PGM5: variants seen among roughly 807,000 people sequenced by gnomAD.
The protein encoded by PGM5 is phosphoglucomutase 5, also known as phosphoglucomutase-like protein 5.
Under a neutral mutation model 59.2 loss-of-function variants are expected in PGM5, and 23 were observed. That is an observed-to-expected ratio of 0.39 (90% CI 0.28 to 0.55). The LOEUF is 0.55. Among genes scored for constraint, PGM5 ranks in the 20% least tolerant of loss-of-function variants. The pLI is 0.66. For missense variants in PGM5, 574 were observed against 748.3 expected (o/e 0.77, Z 2.72); for synonymous variants, 214 against 286.0 (o/e 0.75, Z 2.54).
intron 7 of PGM5, among the ~76,000 whole-genome samples, chr9:68,474,693 C>T (rs1214211092): frequency 6.6e-6 from 1 of 151,368 alleles, no homozygotes; most frequent in Non-Finnish European, 1.5e-5. Flanking sequence ...AGTAAGATTG[C>T]GTGGGCTTTG....
rs782687667 is a variant in PGM5 at position 68,475,184 on chromosome 9, A to ATTTTTTTTTTTTT, written c.1160-4224_1160-4212dup. ...ATGTGTCTGCCATCATGCCTGGCTA[A>ATTTTTTTTTTTTT]TTTTTTTTTTTTTTTTTTTTTTGTA... On this transcript the variant is annotated intron_variant, in intron 7 of 10. Coordinates refer to ENST00000396396, the MANE Select transcript of PGM5 (RefSeq NM_021965.4). Among the ~76,000 whole-genome samples, 154 of 112,758 alleles carry ATTTTTTTTTTTTT rather than the reference A, an allele frequency of 1.4e-3. No homozygotes were observed. In the East Asian group the frequency reaches 0.019, roughly 14 times the overall value. 74.0% of individuals were successfully genotyped at this position (112,758 alleles called of 152,430 possible). A position where few individuals can be genotyped will look rare whatever the true frequency, so the allele number is the denominator to read the frequency against.
intron 1 of PGM5, among the ~76,000 whole-genome samples, chr9:68,364,358 G>C (rs1554676515): frequency 6.6e-6 from 1 of 152,308 alleles, no homozygotes; most frequent in East Asian, 1.9e-4. Flanking sequence ...AAATTCTTGG[G>C]GTGGAAGAAA....
chr9:68,463,014 A>G (rs540226914), intron 6 of PGM5, among the ~76,000 whole-genome samples: 1 of 152,258 alleles, frequency 6.6e-6, no homozygotes, highest in East Asian at 1.9e-4. Flanking sequence ...AAACCATTGA[A>G]AAAGAGAGAA....
At chr9:68,453,951 A>T (rs1823734723) in intron 6 of PGM5, among the ~76,000 whole-genome samples, 1 of 152,186 alleles carries the variant, frequency 6.6e-6, no homozygotes, top group Non-Finnish European at 1.5e-5. Context: ...TAAGTCCAGG[A>T]GGGGGTGGAT....
At chr9:68,403,215 G>A (rs1554680815) in intron 6 of PGM5, among the ~76,000 whole-genome samples, 1 of 152,160 alleles carries the variant, frequency 6.6e-6, no homozygotes. Flanking sequence ...TGCATGTGAG[G>A]AGTCTAGGTT....
intron 10 of PGM5, 35 bp from the exon 11 acceptor site, chr9:68,529,532 T>G: frequency 8.9e-6 from 13 of 1,455,398 alleles, no homozygotes; most frequent in African/African-American, 2.8e-5. Context: ...GTAACTGACT[T>G]GAGTTGTTCA....
chr9:68,481,589 A>G (rs1824197358), intron 8 of PGM5, among the ~76,000 whole-genome samples: 2 of 152,216 alleles, frequency 1.3e-5, no homozygotes, highest in African/African-American at 4.8e-5. Flanking sequence ...TGTGTTCCTC[A>G]TAATTTGTGG....
chr9:68,410,777 G>A (rs1822915424), intron 6 of PGM5, among the ~76,000 whole-genome samples: 1 of 152,182 alleles, frequency 6.6e-6, no homozygotes, highest in Non-Finnish European at 1.5e-5. Context: ...TTTTTGGGAA[G>A]CAATGTGGCT....
At chr9:68,406,220 G>A (rs1325407715) in intron 6 of PGM5, 1 of 152,034 alleles carries the variant, frequency 6.6e-6, no homozygotes, top group Admixed American at 6.6e-5. Flanking sequence ...TAACTTCTCA[G>A]GGTGTCTTAG....
chr9:68,391,422 A>T, intron 4 of PGM5, 112 bp from the exon 5 acceptor site: 1 of 801,810 alleles, frequency 1.2e-6, no homozygotes, highest in Admixed American at 2.6e-5. Context: ...ACGATTGTAA[A>T]TTTATGTTTT....
chr9:68,490,415 TG>T (rs1824371417), intron 9 of PGM5, among the ~76,000 whole-genome samples: 1 of 152,226 alleles, frequency 6.6e-6, no homozygotes. Flanking sequence ...GGCATGATCT[TG>T]GCTCACTGCA....
At chr9:68,470,255 TC>T (rs1823998887) in intron 7 of PGM5, among the ~76,000 whole-genome samples, 1 of 152,220 alleles carries the variant, frequency 6.6e-6, no homozygotes. Flanking sequence ...TGGGCTAGGT[TC>T]CAGCTTTAGT....
intron 2 of PGM5, among the ~76,000 whole-genome samples, chr9:68,378,791 C>T (rs1483651514): frequency 1.3e-5 from 2 of 151,946 alleles, no homozygotes; most frequent in African/African-American, 4.8e-5. Flanking sequence ...CTTTTTCCTA[C>T]AGTGTTGACT....
At chr9:68,500,373 G>A (rs1358612683) in intron 10 of PGM5, among the ~76,000 whole-genome samples, 2 of 151,904 alleles carry the variant, frequency 1.3e-5, no homozygotes, top group Admixed American at 6.6e-5. Flanking sequence ...AATAATGGGT[G>A]CTACAGATCC....
intron 1 of PGM5, among the ~76,000 whole-genome samples, chr9:68,369,839 A>T (rs868974612): frequency 1.3e-5 from 2 of 152,160 alleles, no homozygotes; most frequent in Admixed American, 1.3e-4. Context: ...TCTCCATGTA[A>T]CAAATCATAT....
At chr9:68,440,358 A>G (rs528980598) in intron 6 of PGM5, among the ~76,000 whole-genome samples, 2 of 152,300 alleles carry the variant, frequency 1.3e-5, no homozygotes, top group East Asian at 3.9e-4. Flanking sequence ...AACTAAATGT[A>G]AAAGAACGGA....
chr9:68,446,090 A>G (rs1564007655), intron 6 of PGM5, among the ~76,000 whole-genome samples: 1 of 152,230 alleles, frequency 6.6e-6, no homozygotes, highest in Non-Finnish European at 1.5e-5. Flanking sequence ...AAGATAGAAG[A>G]GATTGGTCAT....
chr9:68,375,315 G>C (rs1452944770), intron 1 of PGM5, among the ~76,000 whole-genome samples: 3 of 152,188 alleles, frequency 2.0e-5, no homozygotes, highest in Middle Eastern at 3.2e-3. Context: ...AGGCAAGGAC[G>C]ATTGGGGCCA....
intron 9 of PGM5, among the ~76,000 whole-genome samples, chr9:68,489,252 C>G (rs1272114528): frequency 1.3e-5 from 2 of 152,162 alleles, no homozygotes; most frequent in African/African-American, 2.4e-5. Flanking sequence ...GAGTGAAGGA[C>G]AGTGTGACAG....
Sources: allele counts gnomAD v4.1 joint callset (sites outside exome capture counted in the v4.1 genomes callset), GRCh38; gene constraint gnomAD v4.1.1; transcripts MANE v1.5; gene names NCBI Gene and HGNC (gene_info 2026-07-23, HGNC 2026-07-21).